Variants in MMP14 observed in about 807,000 individuals in gnomAD.
The protein encoded by MMP14 is matrix metallopeptidase 14.
MMP14 carries 13 observed loss-of-function variants against 64.8 expected under a neutral mutation model. The observed-to-expected ratio is 0.20, with a 90% CI of 0.13 to 0.32. The LOEUF (loss-of-function observed/expected upper bound fraction) is 0.32. Among genes scored for constraint, MMP14 ranks in the 10% least tolerant of loss-of-function variants. The pLI, the probability that MMP14 is intolerant of heterozygous loss-of-function variation, is 1.00. For missense variants in MMP14, 594 were observed against 783.8 expected, an observed-to-expected ratio of 0.76 and a Z score of 2.89; for synonymous variants, 322 against 315.9, an observed-to-expected ratio of 1.02 and a Z score of -0.20.
chr14:22,842,255 G>T lies in MMP14; in HGVS notation c.381-155G>T. 9.6e-7 allele frequency: 1 copy of T among 1,038,488 alleles called. No homozygotes were observed. 64.3% of individuals were successfully genotyped at this position (1,038,488 alleles called of 1,614,324 possible). ...CAGAGCCTGAGGATCCCTTGTTCTT[G>T]AGACAGAGGCGTTGCGCATGAGGTA... On this transcript the variant is annotated intron_variant, in intron 3 of 9. Transcript: ENST00000311852. This position sits in a 1 kb window ranked among gnomAD's most constrained non-coding sequence, Gnocchi z 5.3.
In MMP14 at chr14:22,837,569, A is replaced by G. The variant is rs1039137727; in HGVS notation, c.108+644A>G. The G allele has an allele frequency of 1.1e-5, 4 of 359,376 alleles. No individual in the cohort carries two copies. In the East Asian group the frequency reaches 3.0e-4, roughly 27 times the overall value. The allele number at this position is 359,376 out of a possible 1,614,324, so 22.3% of individuals were successfully genotyped here. A position where few individuals can be genotyped will look rare whatever the true frequency, so the allele number is the denominator to read the frequency against. ...GCCGGCGCGCTGGCCGCGTTTCCGT[A>G]CACACAAAGCTCTCCTTGTGAGCCG... On this transcript the variant is annotated intron_variant, in intron 1 of 9. Transcript: ENST00000311852.
In MMP14 at chr14:22,836,937, T is replaced by G; in HGVS notation, c.108+12T>G. On this transcript the variant is annotated intron_variant, in intron 1 of 9. Coordinates refer to ENST00000311852, the MANE Select transcript of MMP14 (RefSeq NM_004995.4). ...GCTTCAGCCCCGAAGTAAGTGAGCT[T>G]CCCGGCCCTTCCCGGAGTCGCGCCC... 1 of 1,603,776 alleles carries G rather than the reference T, an allele frequency of 6.2e-7. No individual in the cohort carries two copies. The highest frequency in any genetic ancestry group is 1.1e-5 in the South Asian group (1 of 90,314).
chr14:22,843,719 C>T lies in MMP14; in HGVS notation c.860C>T (p.Ser287Leu), dbSNP rs1180337400. 2.5e-6 allele frequency: 4 copies of T among 1,590,078 alleles called. No individual in the cohort carries two copies. In the African/African-American group the frequency reaches 5.5e-5, roughly 22 times the overall value. ...GTGTTTTCTGCCCCAGGGGGTGAGT[C>T]AGGGTTCCCCACCAAGATGCCCCCT... ...RGIQQLYGGE[S>L]GFPTKMPPQP... The change falls in exon 6 of 10, where the codon TCA (serine) becomes TTA (leucine). Residue 287 changes from serine to leucine, a missense_variant. Around this residue, in one of 4 missense-constraint regions of MMP14, gnomAD observed 364 missense variants for 425.2 expected, o/e 0.86. Coordinates refer to ENST00000311852, the MANE Select transcript of MMP14 (RefSeq NM_004995.4). The surrounding 1 kb of genome is among the most constrained non-coding windows in gnomAD (Gnocchi z 4.8).
chr14:22,843,565 C>G lies in MMP14; in HGVS notation c.851-145C>G. On this transcript the variant is annotated intron_variant, in intron 5 of 9. Coordinates refer to ENST00000311852, the MANE Select transcript of MMP14 (RefSeq NM_004995.4). The surrounding 1 kb of genome is among the most constrained non-coding windows in gnomAD (Gnocchi z 4.8). ...CTATCAGCTCCACTTTTGAGCCCATCTTTTGTGTCGCCTCCCAGTTGGTTG... is the reference window on the plus strand; with the variant it reads ...CTATCAGCTCCACTTTTGAGCCCATGTTTTGTGTCGCCTCCCAGTTGGTTG... The G allele has an allele frequency of 7.2e-7, 1 of 1,386,418 alleles. No individual in the cohort carries two copies. The highest frequency in any genetic ancestry group is 9.9e-7 in the Non-Finnish European group (1 of 1,015,228). 85.9% of individuals were successfully genotyped at this position (1,386,418 alleles called of 1,614,324 possible). A position where few individuals can be genotyped will look rare whatever the true frequency, so the allele number is the denominator to read the frequency against.
Position 22,844,631 on chromosome 14 carries a change from A to T in MMP14, c.1152A>T (p.Gly384=), listed in dbSNP as rs760952751. The T allele has an allele frequency of 8.7e-6, 14 of 1,614,102 alleles. No homozygotes were observed. Among genetic ancestry groups the T allele is most frequent in the Non-Finnish European group, 1.2e-5 (14 of 1,180,016 alleles). Residue 384 remains glycine, a splice_region_variant and synonymous_variant, in exon 8 of 10, where the codon GGA becomes GGT. Coordinates refer to ENST00000311852, the MANE Select transcript of MMP14 (RefSeq NM_004995.4). ...ACGTTGCCCTCCTGTCCTCCCCAGG[A>T]GACAAGCATTGGGTGTTTGATGAGG... ...RKDGKFVFFK[G]DKHWVFDEAS...
At chr14:22,844,929 C>A in intron 8 of MMP14, 149 bp downstream of exon 8, 2 of 1,146,072 alleles carry the variant, frequency 1.7e-6, no homozygotes, top group Admixed American at 2.2e-5. Context: ...TAGAAATGGG[C>A]AGCCTCCTTT....
chr14:22,838,267 C>T (rs2039749211), intron 1 of MMP14, among the ~76,000 whole-genome samples: 1 of 152,204 alleles, frequency 6.6e-6, no homozygotes, highest in South Asian at 2.1e-4. Context: ...ACAAAACGAG[C>T]CTGAGCATCT....
At position 22,843,573 on chromosome 14, in the gene MMP14, T is replaced by C. The variant is rs1218009732; in HGVS notation, c.851-137T>C. 1.4e-6 allele frequency: 2 copies of C among 1,381,892 alleles called. No homozygotes were observed. Among genetic ancestry groups the C allele is most frequent in the Non-Finnish European group, 2.0e-6 (2 of 1,011,192 alleles). 85.6% of individuals were successfully genotyped at this position (1,381,892 alleles called of 1,614,324 possible). A position where few individuals can be genotyped will look rare whatever the true frequency, so the allele number is the denominator to read the frequency against. ...TCCACTTTTGAGCCCATCTTTTGTG[T>C]CGCCTCCCAGTTGGTTGCTTCAGCC... is the stretch of plus-strand genomic sequence containing the variant. On this transcript the variant is annotated intron_variant, in intron 5 of 9. Transcript: ENST00000311852. This position sits in a 1 kb window ranked among gnomAD's most constrained non-coding sequence, Gnocchi z 4.8.
In MMP14 at chr14:22,842,364, T is replaced by C. The variant is rs781659207; in HGVS notation, c.381-46T>C. On this transcript the variant is annotated intron_variant, in intron 3 of 9. Transcript: ENST00000311852. This position sits in a 1 kb window ranked among gnomAD's most constrained non-coding sequence, Gnocchi z 5.3. Reference sequence around the variant, plus strand: ...GCAGGGAAGGAGAATGTTGCCCCTCTTTATCCTAACACACCCCATCCTCTC... The same window carrying C: ...GCAGGGAAGGAGAATGTTGCCCCTCCTTATCCTAACACACCCCATCCTCTC... 2 of 1,571,688 alleles carry C rather than the reference T, an allele frequency of 1.3e-6. No individual in the cohort carries two copies. Among genetic ancestry groups the C allele is most frequent in the African/African-American group, 2.7e-5 (2 of 74,322 alleles).
rs1296378119 is a variant in MMP14 at position 22,843,680 on chromosome 14, C to T, written c.851-30C>T. On this transcript the variant is annotated intron_variant, in intron 5 of 9. Transcript: ENST00000311852. The surrounding 1 kb of genome is among the most constrained non-coding windows in gnomAD (Gnocchi z 4.8). ...CTTCCGTCCCCGCCTCCTCCTAAGT[C>T]TGAAATGCCCCTCGTGTTTTCTGCC... 2.5e-6 allele frequency: 4 copies of T among 1,577,914 alleles called. No homozygotes were observed.
chr14:22,843,163 A>G lies in MMP14; in HGVS notation c.689-94A>G. The G allele has an allele frequency of 7.1e-7, 1 of 1,411,914 alleles. No homozygotes were observed. Among genetic ancestry groups the G allele is most frequent in the Non-Finnish European group, 9.6e-7 (1 of 1,037,322 alleles). 87.5% of individuals were successfully genotyped at this position (1,411,914 alleles called of 1,614,324 possible). The stretch of plus-strand genomic sequence containing the variant: ...ACTTTGGATTGAAAACATGGGCAGC[A>G]GGCTTGGAGGTGAAACCAAAGCTGC... On this transcript the variant is annotated intron_variant, in intron 4 of 9. Coordinates refer to ENST00000311852, the MANE Select transcript of MMP14 (RefSeq NM_004995.4). The surrounding 1 kb of genome is among the most constrained non-coding windows in gnomAD (Gnocchi z 4.8).
rs529955416 is a variant in MMP14, at chr14:22,842,509, C to T, written c.480C>T (p.Arg160=). 1.1e-5 allele frequency: 18 copies of T among 1,614,098 alleles called. No homozygotes were observed. Among genetic ancestry groups the T allele is most frequent in the East Asian group, 6.7e-5 (3 of 44,880 alleles). Residue 160 remains arginine (R), a synonymous_variant, in exon 4 of 10, where the codon CGC becomes CGT. Coordinates refer to ENST00000311852, the MANE Select transcript of MMP14 (RefSeq NM_004995.4). This position sits in a 1 kb window ranked among gnomAD's most constrained non-coding sequence, Gnocchi z 5.3. ...VWESATPLRF[R]EVPYAYIREG... ...AGAGTGCCACACCACTGCGCTTCCGCGAGGTGCCCTATGCCTACATCCGTG... is the reference window on the plus strand; with the variant it reads ...AGAGTGCCACACCACTGCGCTTCCGTGAGGTGCCCTATGCCTACATCCGTG...
chr14:22,838,915 G>A (rs1039402983), intron 1 of MMP14, among the ~76,000 whole-genome samples: 11 of 152,158 alleles, frequency 7.2e-5, no homozygotes, highest in Non-Finnish European at 1.2e-4. Flanking sequence ...TGACTCCAGG[G>A]AAGTCCTTCA....
At position 22,847,582 on chromosome 14, in the gene MMP14, T is replaced by C. The variant is rs1210237659; in HGVS notation, c.*1543T>C. On this transcript the variant is annotated 3_prime_UTR_variant, in exon 10 of 10. Transcript: ENST00000311852. ...ATGTATATTTTTATTATAATTATTA[T>C]ATATGAATTCCATTCAAATCGTTCC... The C allele has an allele frequency of 6.8e-6, 1 of 148,148 alleles. No individual in the cohort carries two copies. Among genetic ancestry groups the C allele is most frequent in the African/African-American group, 2.5e-5 (1 of 39,980 alleles). 9.2% of individuals were successfully genotyped at this position (148,148 alleles called of 1,614,324 possible). A position where few individuals can be genotyped will look rare whatever the true frequency, so the allele number is the denominator to read the frequency against.
At position 22,842,609 on chromosome 14, in the gene MMP14, G is replaced by A. The variant is rs2039781336; in HGVS notation, c.580G>A (p.Gly194Ser). 1 of 1,614,106 alleles carries A rather than the reference G, an allele frequency of 6.2e-7. No individual in the cohort carries two copies. Among genetic ancestry groups the A allele is most frequent in the Admixed American group, 1.7e-5 (1 of 60,010 alleles). Residue 194 changes from glycine to serine, a missense_variant, in exon 4 of 10, where the codon GGT becomes AGT. Around this residue, in one of 4 missense-constraint regions of MMP14, gnomAD observed 179 missense variants for 283.4 expected, o/e 0.63. Coordinates refer to ENST00000311852, the MANE Select transcript of MMP14 (RefSeq NM_004995.4). This position sits in a 1 kb window ranked among gnomAD's most constrained non-coding sequence, Gnocchi z 5.3. ...CCATGGCGACAGCACGCCCTTCGAT[G>A]GTGAGGGCGGCTTCCTGGCCCATGC... ...GFHGDSTPFD[G>S]EGGFLAHAYF... is the part of the protein sequence containing the mutation.
At chr14:22,839,339 C>A (rs771184681) in intron 1 of MMP14, among the ~76,000 whole-genome samples, 19 of 152,262 alleles carry the variant, frequency 1.2e-4, no homozygotes, top group Non-Finnish European at 5.9e-5. Flanking sequence ...CACAGCAGGC[C>A]TCCCCAGGCA....
Position 22,843,336 on chromosome 14 carries a change from C to T in MMP14, c.768C>T (p.Ile256=). Residue 256 remains isoleucine, a synonymous_variant, in exon 5 of 10, where the codon ATC becomes ATT. Transcript: ENST00000311852. This position sits in a 1 kb window ranked among gnomAD's most constrained non-coding sequence, Gnocchi z 4.8. ...GLEHSSDPSA[I]MAPFYQWMDT... is the part of the protein sequence containing the mutation. ...AGCATTCCAGTGACCCCTCGGCCAT[C>T]ATGGCACCCTTTTACCAGTGGATGG... is the stretch of plus-strand genomic sequence containing the variant. 6.2e-7 allele frequency: 1 copy of T among 1,614,108 alleles called. No homozygotes were observed. Among genetic ancestry groups the T allele is most frequent in the Non-Finnish European group, 8.5e-7 (1 of 1,180,034 alleles).
At position 22,844,647 on chromosome 14, in the gene MMP14, T is replaced by C. The variant is rs2039798941; in HGVS notation, c.1168T>C (p.Phe390Leu). ...VFFKGDKHWV[F>L]DEASLEPGYP... Reference sequence around the variant, plus strand: ...CTCCCCAGGAGACAAGCATTGGGTGTTTGATGAGGCGTCCCTGGAACCTGG... The same window carrying C: ...CTCCCCAGGAGACAAGCATTGGGTGCTTGATGAGGCGTCCCTGGAACCTGG... The change falls in exon 8 of 10, where the codon TTT (phenylalanine) becomes CTT (leucine). Residue 390 changes from phenylalanine to leucine, a missense_variant. Phe to Leu is a conservative substitution (Grantham distance 22, BLOSUM62 0). This residue lies in a region of MMP14 where 364 missense variants were observed against 425.2 expected (regional missense o/e 0.86). Coordinates refer to ENST00000311852, the MANE Select transcript of MMP14 (RefSeq NM_004995.4). 2.5e-6 allele frequency: 4 copies of C among 1,614,092 alleles called. No homozygotes were observed. The highest frequency in any genetic ancestry group is 3.4e-6 in the Non-Finnish European group (4 of 1,180,016).
rs1034441205 is a variant in MMP14 at position 22,842,004 on chromosome 14, C to A, written c.349C>A (p.Leu117Ile). ...AAGGAAGCGCTACGCCATCCAGGGT[C>A]TCAAATGGCAACATAATGAAATCAC... ...VRRKRYAIQG[L>I]KWQHNEITFC... Residue 117 changes from leucine to isoleucine, a missense_variant, in exon 3 of 10, where the codon CTC becomes ATC. Physicochemically the swap from Leu to Ile is conservative, Grantham distance 5. Transcript: ENST00000311852. This position sits in a 1 kb window ranked among gnomAD's most constrained non-coding sequence, Gnocchi z 5.3. 1.1e-5 allele frequency: 17 copies of A among 1,614,118 alleles called. No homozygotes were observed. The highest frequency in any genetic ancestry group is 1.4e-5 in the Non-Finnish European group (17 of 1,180,056).
Sources: gnomAD v4.1 joint callset for allele counts (sites outside exome capture counted in the v4.1 genomes callset) on GRCh38, gnomAD v4.1.1 for gene constraint, gnomAD v4.1.1 regional missense constraint, Gnocchi (gnomAD v3.1) non-coding constraint, MANE v1.5 for transcripts, NCBI Gene and HGNC (gene_info 2026-07-23, HGNC 2026-07-21) for gene names.